PTN: variants seen among roughly 807,000 people sequenced by gnomAD.
PTN encodes heparin affin regulatory protein.
Under a neutral mutation model 24.1 loss-of-function variants are expected in PTN, and 18 were observed. The observed-to-expected ratio is 0.75, with a 90% CI of 0.52 to 1.11. The LOEUF (loss-of-function observed/expected upper bound fraction) is 1.11, where lower values mean the gene tolerates loss of function less well. Among genes scored for constraint, PTN ranks in the 50% least tolerant of loss-of-function variants. The probability of loss-of-function intolerance (pLI) is 0.00; values close to 1 mark genes in which losing one functional copy is unlikely to be tolerated. For synonymous variants in PTN, 78 were observed against 68.6 expected, an observed-to-expected ratio of 1.14 and a Z score of -0.67; for missense variants, 163 against 198.8, an observed-to-expected ratio of 0.82 and a Z score of 1.08.
At chr7:137,278,981 T>TAATAAAAAA (rs1554466684) in intron 1 of PTN, among the ~76,000 whole-genome samples, 23 of 140,428 alleles carry the variant, frequency 1.6e-4, no homozygotes, top group African/African-American at 2.8e-4. Flanking sequence ...ATAATAATAA[T>TAATAAAAAA]AAAATAAAGA....
intron 1 of PTN, among the ~76,000 whole-genome samples, chr7:137,273,480 CG>C (rs1809310035): frequency 2.0e-5 from 3 of 152,176 alleles, no homozygotes; most frequent in Admixed American, 2.0e-4. Flanking sequence ...TGGCTGAAGT[CG>C]AAGGGACAAG....
At chr7:137,330,557 G>A (rs1810334853) in intron 1 of PTN, among the ~76,000 whole-genome samples, 1 of 152,164 alleles carries the variant, frequency 6.6e-6, no homozygotes, top group Non-Finnish European at 1.5e-5. Context: ...CTGCTTTTAT[G>A]ATCCACCACT....
intron 4 of PTN, among the ~76,000 whole-genome samples, chr7:137,239,407 T>TTTA (rs761934109): frequency 1.6e-3 from 228 of 143,156 alleles, no homozygotes; most frequent in African/African-American, 5.3e-3. Flanking sequence ...TATTTATTTA[T>TTTA]TTATTATTAT....
intron 1 of PTN, among the ~76,000 whole-genome samples, chr7:137,299,429 T>C (rs1195575269): frequency 6.6e-6 from 1 of 151,926 alleles, no homozygotes; most frequent in Admixed American, 6.6e-5. Context: ...AAAGATCCAG[T>C]CATTAGGCCA....
At chr7:137,311,231 CA>C (rs35319700) in intron 1 of PTN, among the ~76,000 whole-genome samples, 74,845 of 101,818 alleles carry the variant, frequency 0.74, 26,591 homozygotes, top group Middle Eastern at 0.85. Context: ...GACTCCATTT[CA>C]AAAAAAAAAA....
intron 1 of PTN, among the ~76,000 whole-genome samples, chr7:137,333,568 A>G (rs2128883064): frequency 6.6e-6 from 1 of 152,332 alleles, no homozygotes; most frequent in African/African-American, 2.4e-5. Context: ...GGAAGGAAAG[A>G]GTCTAATGCA....
At chr7:137,317,011 C>G (rs1810084118) in intron 1 of PTN, among the ~76,000 whole-genome samples, 1 of 152,194 alleles carries the variant, frequency 6.6e-6, no homozygotes, top group Non-Finnish European at 1.5e-5. Flanking sequence ...GTGGGGTTCT[C>G]TCAGGTTGGT....
At chr7:137,237,432 C>T (rs1045752723) in intron 4 of PTN, among the ~76,000 whole-genome samples, 3 of 152,068 alleles carry the variant, frequency 2.0e-5, no homozygotes, top group Admixed American at 6.6e-5. Flanking sequence ...AATGCATCCG[C>T]GAATTCGATT....
At chr7:137,274,031 GCGCACA>G (rs1386652356) in intron 1 of PTN, among the ~76,000 whole-genome samples, 2 of 69,250 alleles carry the variant, frequency 2.9e-5, no homozygotes, top group Non-Finnish European at 6.4e-5. Context: ...AATTTCAGAA[GCGCACA>G]CACACACACA....
chr7:137,308,529 C>A (rs1262867219), intron 1 of PTN, among the ~76,000 whole-genome samples: 2 of 152,148 alleles, frequency 1.3e-5, no homozygotes, highest in African/African-American at 4.8e-5. Context: ...GTGGTAGATT[C>A]TGCCAGGCTG....
rs1035634775 is a variant in PTN at position 137,343,503 on chromosome 7, C to T, written c.-66G>A. 1 of 518,898 alleles carries T rather than the reference C, an allele frequency of 1.9e-6. No individual in the cohort carries two copies. The highest frequency in any genetic ancestry group is 3.8e-6 in the Non-Finnish European group (1 of 259,850). 32.1% of individuals were successfully genotyped at this position (518,898 alleles called of 1,614,324 possible). On this transcript the variant is annotated 5_prime_UTR_variant, in exon 1 of 5. Coordinates refer to ENST00000348225, the MANE Select transcript of PTN (RefSeq NM_002825.7). ...TTGTTGCAAGGGGCGAGGTTGCTAC[C>T]GCTGAGTCCAGGTACCCGGCTCGCT...
chr7:137,239,653 T>C (rs2128868893), intron 4 of PTN, among the ~76,000 whole-genome samples: 1 of 152,198 alleles, frequency 6.6e-6, no homozygotes, highest in Non-Finnish European at 1.5e-5. Flanking sequence ...ATGCGGTGTT[T>C]GGTTTTTTGT....
At chr7:137,287,002 A>C (rs906397328) in intron 1 of PTN, among the ~76,000 whole-genome samples, 5 of 152,224 alleles carry the variant, frequency 3.3e-5, no homozygotes, top group Admixed American at 2.6e-4. Context: ...CAGATAGTTA[A>C]TACCAAAGCC....
At chr7:137,274,556 C>A (rs544818808) in intron 1 of PTN, among the ~76,000 whole-genome samples, 27 of 152,086 alleles carry the variant, frequency 1.8e-4, no homozygotes, top group African/African-American at 5.1e-4. Flanking sequence ...TGTTCCCCTC[C>A]CTGTGTCCAT....
chr7:137,269,715 C>T (rs375878209), intron 1 of PTN, among the ~76,000 whole-genome samples: 6 of 146,822 alleles, frequency 4.1e-5, no homozygotes, highest in South Asian at 2.2e-4. Context: ...TCACTGCAAC[C>T]TCCACCTCCT....
At chr7:137,232,600 A>C (rs1333551134) in intron 4 of PTN, among the ~76,000 whole-genome samples, 1 of 151,986 alleles carries the variant, frequency 6.6e-6, no homozygotes, top group African/African-American at 2.4e-5. Context: ...GGCCATGTTC[A>C]CCATATTCAA....
rs1171253250 is a variant in PTN at position 137,228,155 on chromosome 7, C to T, written c.452-80G>A. 4.4e-6 allele frequency: 4 copies of T among 900,170 alleles called. 1 individual carries two copies. In the African/African-American group the frequency reaches 5.0e-5, roughly 11 times the overall value. 55.8% of individuals were successfully genotyped at this position (900,170 alleles called of 1,614,324 possible). A position where few individuals can be genotyped will look rare whatever the true frequency, so the allele number is the denominator to read the frequency against. On this transcript the variant is annotated intron_variant, in intron 4 of 4. Coordinates refer to ENST00000348225, the MANE Select transcript of PTN (RefSeq NM_002825.7). ...CTAAATTGCAGGGAAGAAATAGCCA[C>T]ATTTCTTATAATTGACCAGACTGAT...
At chr7:137,253,400 A>G in intron 3 of PTN, 64 bp downstream of exon 3, 1 of 1,468,852 alleles carries the variant, frequency 6.8e-7, no homozygotes, top group Non-Finnish European at 9.2e-7. Flanking sequence ...TTAAAAAGAC[A>G]TTTGGTGGAA....
intron 1 of PTN, among the ~76,000 whole-genome samples, chr7:137,334,021 C>A (rs1054055926): frequency 6.6e-6 from 1 of 152,146 alleles, no homozygotes; most frequent in African/African-American, 2.4e-5. Flanking sequence ...CCCTTCCTTA[C>A]ACCTCATACA....
Sources: allele counts gnomAD v4.1 joint callset (sites outside exome capture counted in the v4.1 genomes callset), GRCh38; gene constraint gnomAD v4.1.1; transcripts MANE v1.5; gene names NCBI Gene and HGNC (gene_info 2026-07-23, HGNC 2026-07-21).